The following PAX8 variants were observed in gnomAD, a reference collection of about 807,000 sequenced individuals.
PAX8 encodes the protein paired box 8.
In PAX8, 15 loss-of-function variants were observed where a neutral mutation model predicts 52.4. The observed-to-expected ratio is 0.29, with a 90% CI of 0.19 to 0.44. The LOEUF is 0.44. PAX8 is among the 20% of genes least tolerant of loss of function. The pLI is 1.00. For synonymous variants in PAX8, 284 were observed against 249.7 expected, an observed-to-expected ratio of 1.14 and a Z score of -1.29; for missense variants, 554 against 602.5, an observed-to-expected ratio of 0.92 and a Z score of 0.84.
chr2:113,237,431 G>A (rs1209427849), intron 7 of PAX8: 1 of 152,052 alleles, frequency 6.6e-6, no homozygotes, highest in Non-Finnish European at 1.5e-5. Context: ...GGGATTTTTC[G>A]GCTGTGGACC....
intron 2 of PAX8, chr2:113,270,798 C>T (rs1273244861): frequency 6.6e-6 from 1 of 152,040 alleles, no homozygotes; most frequent in Non-Finnish European, 1.5e-5. Flanking sequence ...ACCCCAAGGC[C>T]ATTTAAGAAG....
chr2:113,245,371 C>T (rs1166464107), intron 3 of PAX8, among the ~76,000 whole-genome samples: 1 of 152,186 alleles, frequency 6.6e-6, no homozygotes, highest in African/African-American at 2.4e-5. Context: ...TCTTTGGCCA[C>T]CTAGAAAGCT....
At chr2:113,260,097 A>T (rs1692557608) in intron 2 of PAX8, among the ~76,000 whole-genome samples, 1 of 152,178 alleles carries the variant, frequency 6.6e-6, no homozygotes, top group Non-Finnish European at 1.5e-5. Context: ...TTCAGTGAGC[A>T]CCTACTCTGT....
chr2:113,272,759 G>C (rs1353987461), intron 2 of PAX8: 1 of 152,222 alleles, frequency 6.6e-6, no homozygotes, highest in African/African-American at 2.4e-5. Context: ...GGCGAAGAAG[G>C]TGTTCCAATC....
rs549177095 is a variant in PAX8, at chr2:113,244,727, G to T, written c.192-103C>A. 3.0e-4 allele frequency: 314 copies of T among 1,057,378 alleles called. 6 individuals carry two copies. The South Asian group carries it at 3.0e-3, about 10-fold the overall frequency. The allele number at this position is 1,057,378 out of a possible 1,614,324, so 65.5% of individuals were successfully genotyped here. On this transcript the variant is annotated intron_variant, in intron 3 of 11. Transcript: ENST00000429538. ...CTCCTCTCTGAGGCTTCTGGGTAGG[G>T]GTATGAGAGTGAAATGTGCCTCCAA...
chr2:113,242,098 G>A lies in PAX8; in HGVS notation c.511C>T (p.Pro171Ser). ...GTGGAGCCCAGGGAATCCGACTGGG[G>A]TGACTCCGGGGGAGTTACAGCTGAG... is the stretch of plus-strand genomic sequence containing the variant. ...PSSAVTPPESPQSDSLGSTYS... is the reference protein window; with the variant it reads ...PSSAVTPPESSQSDSLGSTYS... The change falls in exon 6 of 12, where the codon CCC (proline) becomes TCC (serine). Residue 171 changes from proline (P) to serine (S), a missense_variant. By Grantham distance (74) the Pro-to-Ser change is moderately conservative. Around this residue, in one of 2 missense-constraint regions of PAX8, gnomAD observed 445 missense variants for 409.9 expected, o/e 1.09. Transcript: ENST00000429538. 1 of 1,613,694 alleles carries A rather than the reference G, an allele frequency of 6.2e-7. No homozygotes were observed. The highest frequency in any genetic ancestry group is 1.1e-5 in the South Asian group (1 of 90,996).
intron 2 of PAX8, among the ~76,000 whole-genome samples, chr2:113,252,756 C>T (rs188180122): frequency 6.6e-6 from 1 of 152,320 alleles, no homozygotes; most frequent in African/African-American, 2.4e-5. Context: ...GTGCTGGAAT[C>T]CTACTCCGTC....
At chr2:113,225,993 T>C in intron 10 of PAX8, 1 of 985,200 alleles carries the variant, frequency 1.0e-6, no homozygotes, top group Non-Finnish European at 1.2e-6. Flanking sequence ...GAGGAGTCAG[T>C]ATTCTGTATT....
chr2:113,255,093 AGAAG>A (rs146537322), intron 2 of PAX8, among the ~76,000 whole-genome samples: 2,725 of 150,418 alleles, frequency 0.018, 81 homozygotes, highest in African/African-American at 0.064. Context: ...GAAGGAAAAA[AGAAG>A]GAAGGAGGGA....
At position 113,273,611 on chromosome 2, in the gene PAX8, A is replaced by G. The variant is rs187899604; in HGVS notation, c.25+4759T>C. The G allele has an allele frequency of 4.6e-5, 7 of 152,362 alleles. No individual in the cohort carries two copies. In the East Asian group the frequency reaches 1.3e-3, roughly 29 times the overall value. The allele number at this position is 152,362 out of a possible 1,614,324, so 9.4% of individuals were successfully genotyped here. ...TATTTGAGGAACTTTATCTCTGGAC[A>G]ATATATACTTTAAACATCCCCCTCC... On this transcript the variant is annotated intron_variant, in intron 2 of 11. Transcript: ENST00000429538.
At chr2:113,254,668 A>G (rs1692057372) in intron 2 of PAX8, among the ~76,000 whole-genome samples, 2 of 152,198 alleles carry the variant, frequency 1.3e-5, no homozygotes, top group Non-Finnish European at 2.9e-5. Flanking sequence ...CTTGTAGACA[A>G]TGCCTACCAC....
chr2:113,218,705 C>G, intron 11 of PAX8, 96 bp from the exon 12 acceptor site: 1 of 713,094 alleles, frequency 1.4e-6, no homozygotes, highest in South Asian at 1.8e-5. Flanking sequence ...TAAGACAACA[C>G]AAGTTAATCA....
intron 5 of PAX8, among the ~76,000 whole-genome samples, 188 bp downstream of exon 5, chr2:113,242,502 A>T (rs192951259): frequency 3.9e-5 from 6 of 152,176 alleles, no homozygotes; most frequent in Non-Finnish European, 8.8e-5. Flanking sequence ...AGTTCAGTGA[A>T]TCTGCCCTGG....
chr2:113,220,708 G>T (rs988496124), intron 10 of PAX8, among the ~76,000 whole-genome samples: 1 of 152,146 alleles, frequency 6.6e-6, no homozygotes, highest in African/African-American at 2.4e-5. Context: ...GTATGAGTGT[G>T]TGTGTTTGTG....
chr2:113,235,496 A>AGGCGGAGCTAGATAAAGAGGAAGG lies in PAX8; in HGVS notation c.961_984dup (p.Pro321_Ala328dup), dbSNP rs1690207594. The AGGCGGAGCTAGATAAAGAGGAAGG allele has an allele frequency of 6.2e-7, 1 of 1,613,762 alleles. No individual in the cohort carries two copies. Among genetic ancestry groups the AGGCGGAGCTAGATAAAGAGGAAGG allele is most frequent in the Non-Finnish European group, 8.5e-7 (1 of 1,179,828 alleles). On this transcript the variant is annotated inframe_insertion, in exon 9 of 12. Coordinates refer to ENST00000429538, the MANE Select transcript of PAX8 (RefSeq NM_003466.4). ...GAGCCGACTTGCTGCAGATCCAAAA[A>AGGCGGAGCTAGATAAAGAGGAAGG]GGCGGAGCTAGATAAAGAGGAAGGG... is the stretch of plus-strand genomic sequence containing the variant.
intron 3 of PAX8, 135 bp from the exon 4 acceptor site, chr2:113,244,759 T>C: frequency 1.2e-6 from 1 of 807,470 alleles, no homozygotes; most frequent in Non-Finnish European, 2.1e-6. Flanking sequence ...CCAAGGCTGG[T>C]CTCAAACGCT....
chr2:113,219,070 C>T (rs2104411225), intron 11 of PAX8, among the ~76,000 whole-genome samples: 1 of 152,272 alleles, frequency 6.6e-6, no homozygotes, highest in East Asian at 1.9e-4. Context: ...TGAGGCTCTG[C>T]ACACCTGCAG....
At chr2:113,236,214 G>C in intron 8 of PAX8, 1 of 151,394 alleles carries the variant, frequency 6.6e-6, no homozygotes, top group South Asian at 2.3e-4. Flanking sequence ...CCCACCTTAC[G>C]GGAGCCGCCT....
intron 7 of PAX8, chr2:113,241,310 C>A: frequency 1.7e-6 from 1 of 603,968 alleles, no homozygotes; most frequent in Non-Finnish European, 3.0e-6. Flanking sequence ...GTGCTGCCAT[C>A]CCTGAAAGGC....
Sources: gnomAD v4.1 joint callset for allele counts (sites outside exome capture counted in the v4.1 genomes callset) on GRCh38, gnomAD v4.1.1 for gene constraint, gnomAD v4.1.1 regional missense constraint, MANE v1.5 for transcripts, NCBI Gene and HGNC (gene_info 2026-07-23, HGNC 2026-07-21) for gene names.